VNN2: variants seen among roughly 807,000 people sequenced by gnomAD.
The protein encoded by VNN2 is vanin 2, also known as pantetheine hydrolase VNN2.
In VNN2, 43 loss-of-function variants were observed where a neutral mutation model predicts 43.0. That is an observed-to-expected ratio of 1.00 (90% CI 0.78 to 1.29). VNN2 has a LOEUF of 1.29. Ranked by LOEUF, VNN2 falls within the 50% of genes most tolerant of loss-of-function variation. VNN2 has a pLI of 0.00. For synonymous variants in VNN2, 230 were observed against 224.3 expected, an observed-to-expected ratio of 1.03 and a Z score of -0.23; for missense variants, 652 against 619.7, an observed-to-expected ratio of 1.05 and a Z score of -0.55.
chr6:132,760,848 G>C (rs1414116776), upstream of VNN2: 8 of 152,024 alleles, frequency 5.3e-5, no homozygotes, highest in Non-Finnish European at 1.5e-5. Context: ...TGGATTTTTT[G>C]TTTGGCTAAC....
At chr6:132,753,951 TAA>T (rs61004061) in intron 3 of VNN2, 27 of 94,174 alleles carry the variant, frequency 2.9e-4, no homozygotes, top group African/African-American at 8.5e-4. Flanking sequence ...AGACTCTGCC[TAA>T]AAAAAAAAAA....
chr6:132,749,898 C>T (rs1461443688), intron 5 of VNN2, 33 bp from the exon 6 acceptor site: 27 of 1,581,366 alleles, frequency 1.7e-5, no homozygotes, highest in Non-Finnish European at 2.3e-5. Context: ...AAACGCAATG[C>T]CTTACATTGA....
rs1289450036 is a variant in VNN2 at position 132,744,932 on chromosome 6, G to T, written c.1372-441C>A. 4.0e-5 allele frequency among the ~76,000 whole-genome samples: 6 copies of T among 150,322 alleles called. No individual in the cohort carries two copies. In the East Asian group the frequency reaches 1.2e-3, roughly 30 times the overall value. On this transcript the variant is annotated intron_variant, in intron 6 of 6. Transcript: ENST00000326499. ...TAGGAGGTCTGAGAAAAAAAAAACT[G>T]AACTGGTCTGTTTCACGGAGTGGGA...
chr6:132,759,931 G>C (rs1339183292), upstream of VNN2, among the ~76,000 whole-genome samples: 1 of 152,126 alleles, frequency 6.6e-6, no homozygotes, highest in Non-Finnish European at 1.5e-5. Flanking sequence ...AATTAGCATA[G>C]GTGATTGGTA....
chr6:132,757,623 C>T, intron 1 of VNN2, 48 bp downstream of exon 1: 1 of 1,607,702 alleles, frequency 6.2e-7, no homozygotes, highest in Non-Finnish European at 8.5e-7. Flanking sequence ...CTTCCACCAG[C>T]TCCCATGCCC....
chr6:132,744,128 T>C lies in VNN2; in HGVS notation c.*172A>G. The C allele has an allele frequency of 1.8e-6, 1 of 545,072 alleles. No individual in the cohort carries two copies. The highest frequency in any genetic ancestry group is 3.6e-5 in the East Asian group (1 of 27,448). The allele number at this position is 545,072 out of a possible 1,614,324, so 33.8% of individuals were successfully genotyped here. On this transcript the variant is annotated 3_prime_UTR_variant, in exon 7 of 7. Transcript: ENST00000326499. ...CAACATTTCAGAGTAGCCAAAAAAA[T>C]GGACAACATTATCATAATACTTAAA... is the stretch of plus-strand genomic sequence containing the variant.
chr6:132,751,100 A>C, intron 5 of VNN2, 45 bp downstream of exon 5: 1 of 1,531,958 alleles, frequency 6.5e-7, no homozygotes, highest in Admixed American at 2.2e-5. Flanking sequence ...GTTAACCTGG[A>C]ATTTACCTTT....
Position 132,752,535 on chromosome 6 carries a change from T to C in VNN2, c.752A>G (p.His251Arg), listed in dbSNP as rs1780175705. Residue 251 changes from histidine to arginine, a missense_variant, in exon 4 of 7, where the codon CAT becomes CGT. Transcript: ENST00000326499. ...VLPLLTAIEF[H>R]SAWAMGMGVN... ...TCCCATTCCCATTGCCCAAGCTGAA[T>C]GGAATTCAATAGCTGTCAAAAGGGG... is the stretch of plus-strand genomic sequence containing the variant. 4.3e-6 allele frequency: 7 copies of C among 1,614,144 alleles called. No individual in the cohort carries two copies. Among genetic ancestry groups the C allele is most frequent in the Non-Finnish European group, 5.9e-6 (7 of 1,180,026 alleles).
At chr6:132,758,755 T>C (rs1780648621), upstream of VNN2, among the ~76,000 whole-genome samples, 1 of 152,178 alleles carries the variant, frequency 6.6e-6, no homozygotes, top group Non-Finnish European at 1.5e-5. Flanking sequence ...TACTTATTGC[T>C]ATTAAGGACT....
At chr6:132,746,051 G>T (rs372467271) in intron 6 of VNN2, among the ~76,000 whole-genome samples, 1 of 152,188 alleles carries the variant, frequency 6.6e-6, no homozygotes. Flanking sequence ...TATCATATTT[G>T]ATCCTCACCA....
chr6:132,749,916 C>A (rs1582820125), intron 5 of VNN2, 51 bp from the exon 6 acceptor site: 3 of 1,518,684 alleles, frequency 2.0e-6, no homozygotes, highest in East Asian at 2.4e-5. Context: ...TGAAGTTACT[C>A]ATACCAGAAA....
chr6:132,751,963 A>G (rs1457769911), intron 4 of VNN2, among the ~76,000 whole-genome samples: 7 of 152,200 alleles, frequency 4.6e-5, no homozygotes, highest in Non-Finnish European at 1.0e-4. Context: ...CTCACTTCCA[A>G]TGAATAGAAC....
At chr6:132,756,407 G>A (rs1053732953) in intron 2 of VNN2, among the ~76,000 whole-genome samples, 26 of 152,018 alleles carry the variant, frequency 1.7e-4, no homozygotes, top group African/African-American at 6.3e-4. Context: ...CTCTCTTAAA[G>A]CAAAACTCCT....
At chr6:132,746,608 G>T (rs1378376375) in intron 6 of VNN2, among the ~76,000 whole-genome samples, 2 of 152,070 alleles carry the variant, frequency 1.3e-5, no homozygotes, top group African/African-American at 4.8e-5. Flanking sequence ...CAGATCACCA[G>T]CCCTAAAGAG....
Position 132,751,485 on chromosome 6 carries a change from A to C in VNN2, c.860T>G (p.Val287Gly). 1.2e-6 allele frequency: 2 copies of C among 1,613,050 alleles called. No homozygotes were observed. The highest frequency in any genetic ancestry group is 1.7e-6 in the Non-Finnish European group (2 of 1,179,382). The change falls in exon 5 of 7, where the codon GTG becomes GGG. Residue 287 changes from valine (V) to glycine (G), a missense_variant. Val to Gly is a moderately radical substitution (Grantham distance 109). Transcript: ENST00000326499. ...CTCTGTCTTCATGTCATAATGATAC[A>C]CTTTGGGACCATTTGGTGCATAAAT... is the stretch of plus-strand genomic sequence containing the variant. ...SGIYAPNGPK[V>G]YHYDMKTELG...
At chr6:132,744,555 C>T in intron 6 of VNN2, 64 bp from the exon 7 acceptor site, 1 of 1,445,624 alleles carries the variant, frequency 6.9e-7, no homozygotes, top group Non-Finnish European at 9.3e-7. Flanking sequence ...GCAAATTAAT[C>T]ATTTTGAAAC....
chr6:132,757,602 A>G (rs1780556702), intron 1 of VNN2, 56 bp from the exon 2 acceptor site: 1 of 1,607,784 alleles, frequency 6.2e-7, no homozygotes, highest in South Asian at 1.1e-5. Context: ...CAGACAATTC[A>G]GCTCTCTCGT....
chr6:132,759,000 T>A (rs1240722567), upstream of VNN2, among the ~76,000 whole-genome samples: 1 of 150,998 alleles, frequency 6.6e-6, no homozygotes, highest in Non-Finnish European at 1.5e-5. Context: ...TTCTTTTTCC[T>A]CCCTCCCCAC....
chr6:132,751,617 A>G, intron 4 of VNN2, 99 bp from the exon 5 acceptor site: 1 of 1,418,828 alleles, frequency 7.0e-7, no homozygotes, highest in East Asian at 2.3e-5. Flanking sequence ...TCACGCCACC[A>G]TATTAGTCAC....
Sources: allele counts gnomAD v4.1 joint callset (sites outside exome capture counted in the v4.1 genomes callset), GRCh38; gene constraint gnomAD v4.1.1; transcripts MANE v1.5; gene names NCBI Gene and HGNC (gene_info 2026-07-23, HGNC 2026-07-21).